ATXN10: variants seen among roughly 807,000 people sequenced by gnomAD.
ATXN10 encodes the protein ataxin-10.
Under a neutral mutation model 52.9 loss-of-function variants are expected in ATXN10, and 28 were observed. The observed-to-expected ratio is 0.53, with a 90% CI of 0.39 to 0.73. The LOEUF is 0.73. Ranked by LOEUF, ATXN10 falls within the 30% of genes least tolerant of loss-of-function variation. The probability of loss-of-function intolerance (pLI) is 0.00; values close to 1 mark genes in which losing one functional copy is unlikely to be tolerated. For synonymous variants in ATXN10, 226 were observed against 221.5 expected (o/e 1.02, Z -0.18); for missense variants, 565 against 577.0 (o/e 0.98, Z 0.21).
chr22:45,716,048 C>T (rs1924431096), intron 5 of ATXN10, among the ~76,000 whole-genome samples: 1 of 151,972 alleles, frequency 6.6e-6, no homozygotes, highest in Non-Finnish European at 1.5e-5. Context: ...TAGCTTGAGG[C>T]CAGGAGTTCA....
At chr22:45,749,511 T>C (rs1925864993) in intron 9 of ATXN10, among the ~76,000 whole-genome samples, 2 of 152,236 alleles carry the variant, frequency 1.3e-5, no homozygotes, top group African/African-American at 4.8e-5. Flanking sequence ...TTTTTCATTA[T>C]CATCTAATGT....
At position 45,751,744 on chromosome 22, in the gene ATXN10, A is replaced by AT. The variant is rs202115760; in HGVS notation, c.1173+11206_1173+11207insT. Reference sequence around the variant, plus strand: ...AAGTAGCTCTACCTTTTTCTGGAAAAAAAAAAAAAATAAAAAAAAAATAAT... The same window carrying AT: ...AAGTAGCTCTACCTTTTTCTGGAAAATAAAAAAAAAATAAAAAAAAAATAAT... On this transcript the variant is annotated intron_variant, in intron 9 of 11. Coordinates refer to ENST00000252934, the MANE Select transcript of ATXN10 (RefSeq NM_013236.4). 0.02 allele frequency among the ~76,000 whole-genome samples: 497 copies of AT among 24,644 alleles called. 15 individuals are homozygous for AT. In the East Asian group the frequency reaches 0.24, roughly 12 times the overall value. The allele number at this position is 24,644 out of a possible 152,430, so 16.2% of individuals were successfully genotyped here.
intron 5 of ATXN10, among the ~76,000 whole-genome samples, chr22:45,711,838 G>A (rs752348819): frequency 5.3e-5 from 8 of 152,104 alleles, no homozygotes; most frequent in Non-Finnish European, 7.4e-5. Context: ...CTTTGTATGC[G>A]GGAACATGGA....
intron 9 of ATXN10, among the ~76,000 whole-genome samples, chr22:45,758,033 G>A (rs551712888): frequency 2.6e-4 from 39 of 152,338 alleles, no homozygotes; most frequent in Admixed American, 6.5e-4. Flanking sequence ...TGGCAGAGAC[G>A]GATGCAACTA....
intron 9 of ATXN10, chr22:45,760,682 T>G (rs1926354852): frequency 6.5e-6 from 1 of 154,100 alleles, no homozygotes; most frequent in African/African-American, 2.4e-5. Flanking sequence ...GTCTCTTACC[T>G]CATTTAATGA....
intron 1 of ATXN10, among the ~76,000 whole-genome samples, chr22:45,687,842 C>T (rs537448200): frequency 5.3e-5 from 8 of 152,146 alleles, no homozygotes; most frequent in Non-Finnish European, 8.8e-5. Context: ...AGGCAGATCA[C>T]GAGATCGGGA....
chr22:45,729,575 G>A lies in ATXN10; in HGVS notation c.879G>A (p.Glu293=). The part of the protein sequence containing the change: ...CKTVLKLASE[E]PPDDEEALAT... ...CTGTGCTCAAGCTGGCCTCTGAGGA[G>A]CCTCCTGATGATGAGGTAAGGGAGG... Residue 293 remains glutamate, a synonymous_variant, in exon 7 of 12, where the codon GAG becomes GAA. Transcript: ENST00000252934. The A allele has an allele frequency of 6.2e-7, 1 of 1,614,144 alleles. No individual in the cohort carries two copies.
intron 1 of ATXN10, chr22:45,676,829 G>A (rs1026228378): frequency 3.9e-5 from 6 of 152,394 alleles, no homozygotes; most frequent in African/African-American, 1.4e-4. Context: ...GCCCAAGCTG[G>A]AGTGCAGTGG....
Position 45,683,057 on chromosome 22 carries a change from G to C in ATXN10, c.117-6655G>C, listed in dbSNP as rs755310322. Among the ~76,000 whole-genome samples the C allele has an allele frequency of 5.9e-5, 9 of 152,152 alleles. No individual in the cohort carries two copies. Among genetic ancestry groups the C allele is most frequent in the Non-Finnish European group, 1.2e-4 (8 of 68,010 alleles). On this transcript the variant is annotated intron_variant, in intron 1 of 11. Transcript: ENST00000252934. The surrounding 1 kb of genome is among the most constrained non-coding windows in gnomAD (Gnocchi z 4.8). ...CCATGGGCCGGGCACGGTGGCTCAC[G>C]CCTGTCATCCCAGCACTTTGGGAGG...
chr22:45,686,750 T>G (rs1923155211), intron 1 of ATXN10, among the ~76,000 whole-genome samples: 1 of 145,764 alleles, frequency 6.9e-6, no homozygotes, highest in Non-Finnish European at 1.5e-5. Flanking sequence ...ACCCAGGAGG[T>G]GGAGGTTGCA....
In ATXN10 at chr22:45,750,003, C is replaced by T. The variant is rs1051799102; in HGVS notation, c.1173+9465C>T. Among the ~76,000 whole-genome samples, 15 of 152,302 alleles carry T rather than the reference C, an allele frequency of 9.8e-5. No homozygotes were observed. Among genetic ancestry groups the T allele is most frequent in the African/African-American group, 2.9e-4 (12 of 41,558 alleles). On this transcript the variant is annotated intron_variant, in intron 9 of 11. Transcript: ENST00000252934. The surrounding 1 kb of genome is among the most constrained non-coding windows in gnomAD (Gnocchi z 4.2). ...AGTAATGTGCTGCCCATGATGATTC[C>T]GCAGTTTGTAAAAGTCATGAATCCA...
chr22:45,722,694 C>T (rs1389845435), intron 6 of ATXN10, among the ~76,000 whole-genome samples: 6 of 152,046 alleles, frequency 3.9e-5, no homozygotes, highest in Non-Finnish European at 8.8e-5. Flanking sequence ...GCAGATCTCC[C>T]TGCACCTCAT....
intron 5 of ATXN10, among the ~76,000 whole-genome samples, chr22:45,717,677 G>A (rs1451351327): frequency 1.3e-5 from 2 of 152,002 alleles, no homozygotes; most frequent in Non-Finnish European, 2.9e-5. Flanking sequence ...TTGTATTTTT[G>A]TATTGTTAAG....
At chr22:45,711,031 G>A (rs1924227452) in intron 5 of ATXN10, among the ~76,000 whole-genome samples, 1 of 152,060 alleles carries the variant, frequency 6.6e-6, no homozygotes, top group African/African-American at 2.4e-5. Context: ...TTTTACATCA[G>A]CAATCTATTC....
rs959096593 is a variant in ATXN10, at chr22:45,784,807, C to A, written c.1174-22152C>A. Reference sequence around the variant, plus strand: ...CCTTTATTTTTTTATTTTTTAAACACCGTGGGCAAGCTGATCAACAGTTTC... The same window carrying A: ...CCTTTATTTTTTTATTTTTTAAACAACGTGGGCAAGCTGATCAACAGTTTC... On this transcript the variant is annotated intron_variant, in intron 9 of 11. Transcript: ENST00000252934. This position sits in a 1 kb window ranked among gnomAD's most constrained non-coding sequence, Gnocchi z 4.2. 6.6e-6 allele frequency among the ~76,000 whole-genome samples: 1 copy of A among 152,170 alleles called. No homozygotes were observed. The highest frequency in any genetic ancestry group is 6.5e-5 in the Admixed American group (1 of 15,272).
chr22:45,714,307 G>T (rs1024022822), intron 5 of ATXN10, among the ~76,000 whole-genome samples: 47 of 152,106 alleles, frequency 3.1e-4, no homozygotes, highest in African/African-American at 1.1e-3. Context: ...GTATTTTCTA[G>T]ATTAGGGATA....
At position 45,790,164 on chromosome 22, in the gene ATXN10, A is replaced by G. The variant is rs774915758; in HGVS notation, c.1174-16795A>G. ...TCAAATAAATTGAAATTCAAAATAT[A>G]TTCTCCCTGATTTCTTATTCTGCAC... is the stretch of plus-strand genomic sequence containing the variant. On this transcript the variant is annotated intron_variant, in intron 9 of 11. Coordinates refer to ENST00000252934, the MANE Select transcript of ATXN10 (RefSeq NM_013236.4). This position sits in a 1 kb window ranked among gnomAD's most constrained non-coding sequence, Gnocchi z 4.7. Among the ~76,000 whole-genome samples, 1 of 152,146 alleles carries G rather than the reference A, an allele frequency of 6.6e-6. No homozygotes were observed. The highest frequency in any genetic ancestry group is 1.5e-5 in the Non-Finnish European group (1 of 68,034).
chr22:45,762,313 G>GGGTA lies in ATXN10; in HGVS notation c.1173+21777_1173+21778insTAGG, dbSNP rs1926423123. Among the ~76,000 whole-genome samples the GGGTA allele has an allele frequency of 6.6e-6, 1 of 152,156 alleles. No individual in the cohort carries two copies. Among genetic ancestry groups the GGGTA allele is most frequent in the Non-Finnish European group, 1.5e-5 (1 of 68,026 alleles). On this transcript the variant is annotated intron_variant, in intron 9 of 11. Transcript: ENST00000252934. This position sits in a 1 kb window ranked among gnomAD's most constrained non-coding sequence, Gnocchi z 4.3. ...CTCTGTCTTTGCATTGCTTGACAGAGGGCCTGACCCAGGGTAGGCACTCCC... is the reference window on the plus strand; with the variant it reads ...CTCTGTCTTTGCATTGCTTGACAGAGGGTAGGCCTGACCCAGGGTAGGCACTCCC...
chr22:45,698,545 G>T (rs944431561), intron 3 of ATXN10, among the ~76,000 whole-genome samples: 1 of 152,144 alleles, frequency 6.6e-6, no homozygotes, highest in Non-Finnish European at 1.5e-5. Flanking sequence ...GATCAATTGG[G>T]GAAGAATTGC....
Sources: gnomAD v4.1 joint callset for allele counts (sites outside exome capture counted in the v4.1 genomes callset) on GRCh38, gnomAD v4.1.1 for gene constraint, Gnocchi (gnomAD v3.1) non-coding constraint, MANE v1.5 for transcripts, NCBI Gene and HGNC (gene_info 2026-07-23, HGNC 2026-07-21) for gene names.